The following FRMPD1 variants were observed in gnomAD, a reference collection of about 807,000 sequenced individuals.
FRMPD1 encodes FERM and PDZ domain containing 1, also known as FERM and PDZ domain-containing protein 1.
FRMPD1 carries 76 observed loss-of-function variants against 117.8 expected under a neutral mutation model. The observed-to-expected ratio is 0.65, with a 90% CI of 0.54 to 0.78. The LOEUF (loss-of-function observed/expected upper bound fraction) is 0.78, where lower values mean the gene tolerates loss of function less well. Ranked by LOEUF, FRMPD1 falls within the 30% of genes least tolerant of loss-of-function variation. The pLI, the probability that FRMPD1 is intolerant of heterozygous loss-of-function variation, is 0.00. For synonymous variants in FRMPD1, 783 were observed against 770.4 expected (o/e 1.02, Z -0.27); for missense variants, 1,786 against 1,964.5 (o/e 0.91, Z 1.72).
At chr9:37,687,131 C>T (rs1371800169) in intron 1 of FRMPD1, among the ~76,000 whole-genome samples, 4 of 152,184 alleles carry the variant, frequency 2.6e-5, no homozygotes, top group East Asian at 1.9e-4. Context: ...ATACCTTCAG[C>T]GTCCAAGATC....
At position 37,701,715 on chromosome 9, in the gene FRMPD1, A is replaced by T. The variant is rs143325490; in HGVS notation, c.102-5701A>T. 1.5e-3 allele frequency among the ~76,000 whole-genome samples: 227 copies of T among 152,194 alleles called. 1 individual carries two copies. Among genetic ancestry groups the T allele is most frequent in the African/African-American group, 5.2e-3 (217 of 41,516 alleles). ...GGAGCTGTATTAAGCCATATTCAGG[A>T]TTTTGGATTATGCCATTCAGTCAGG... On this transcript the variant is annotated intron_variant, in intron 2 of 15. Coordinates refer to ENST00000377765, the MANE Select transcript of FRMPD1 (RefSeq NM_014907.3).
intron 1 of FRMPD1, among the ~76,000 whole-genome samples, chr9:37,663,243 G>A (rs189956977): frequency 6.6e-6 from 1 of 152,262 alleles, no homozygotes; most frequent in East Asian, 1.9e-4. Flanking sequence ...GTAAATTGGT[G>A]TGAGTGCCAG....
intron 13 of FRMPD1, among the ~76,000 whole-genome samples, chr9:37,736,697 CTTTTT>C (rs1195134894): frequency 6.6e-6 from 1 of 151,912 alleles, no homozygotes; most frequent in East Asian, 1.9e-4. Context: ...GCTCCTTTTT[CTTTTT>C]TAAGTTCAGT....
Position 37,740,193 on chromosome 9 carries a change from G to T in FRMPD1, c.1665G>T (p.Lys555Asn), listed in dbSNP as rs1319389042. Residue 555 changes from lysine (K) to asparagine (N), a missense_variant, in exon 15 of 16, where the codon AAG (lysine) becomes AAT (asparagine). Physicochemically the swap from Lys to Asn is moderately conservative, Grantham distance 94. Coordinates refer to ENST00000377765, the MANE Select transcript of FRMPD1 (RefSeq NM_014907.3). The surrounding 1 kb of genome is among the most constrained non-coding windows in gnomAD (Gnocchi z 4.2). ...TGGCACCCTGCAGATCACTCATAAA[G>T]GAGGAGCAGCCTCCTGGGAACAGCC... is the stretch of plus-strand genomic sequence containing the variant. ...VKLAPCRSLI[K>N]EEQPPGNSPT... The T allele has an allele frequency of 6.2e-7, 1 of 1,613,902 alleles. No individual in the cohort carries two copies. Among genetic ancestry groups the T allele is most frequent in the Non-Finnish European group, 8.5e-7 (1 of 1,179,942 alleles).
chr9:37,730,224 T>C (rs1823809444), intron 8 of FRMPD1, among the ~76,000 whole-genome samples: 1 of 152,368 alleles, frequency 6.6e-6, no homozygotes, highest in African/African-American at 2.4e-5. Flanking sequence ...CATTTGTTGC[T>C]GTGTCTAAGC....
chr9:37,609,569 T>C, the FRMPD1 span, among the ~76,000 whole-genome samples: 1 of 152,210 alleles, frequency 6.6e-6, no homozygotes, highest in East Asian at 1.9e-4. Flanking sequence ...ACTCCTCCAC[T>C]GTTACTTCCC....
At chr9:37,650,937 T>G (rs1449830312), upstream of FRMPD1, 1 of 150,266 alleles carries the variant, frequency 6.7e-6, no homozygotes, top group Non-Finnish European at 1.5e-5. Context: ...CCCCTCCGGC[T>G]GCAGCCTCGG....
At chr9:37,638,887 C>G in the FRMPD1 span, among the ~76,000 whole-genome samples, 1 of 152,222 alleles carries the variant, frequency 6.6e-6, no homozygotes, top group African/African-American at 2.4e-5. Flanking sequence ...TCTCTCCTCT[C>G]AAAGTGACTT....
chr9:37,686,991 A>C (rs2117984617), intron 1 of FRMPD1, among the ~76,000 whole-genome samples: 1 of 152,284 alleles, frequency 6.6e-6, no homozygotes, highest in African/African-American at 2.4e-5. Flanking sequence ...GATCTAGTGG[A>C]GACCTCAGAT....
At chr9:37,628,936 C>T in the FRMPD1 span, among the ~76,000 whole-genome samples, 25 of 152,180 alleles carry the variant, frequency 1.6e-4, no homozygotes, top group Non-Finnish European at 2.8e-4. Flanking sequence ...CGGTGGCTCA[C>T]GCCTGTAATC....
chr9:37,745,000 T>TTTTTG lies in FRMPD1; in HGVS notation c.2969_2970insTTTGT (p.Leu990PhefsTer19). 1 of 1,614,158 alleles carries TTTTTG rather than the reference T, an allele frequency of 6.2e-7. No homozygotes were observed. The highest frequency in any genetic ancestry group is 8.5e-7 in the Non-Finnish European group (1 of 1,180,036). ...TGCTCAGGCAAGGCCTTCCCAAATC[T>TTTTTG]TACCTCTATCTCAAGACCTGGATGG... On this transcript the variant is annotated frameshift_variant, in exon 16 of 16. Coordinates refer to ENST00000377765, the MANE Select transcript of FRMPD1 (RefSeq NM_014907.3). LOFTEE classifies it low-confidence loss of function (END_TRUNC).
At chr9:37,691,337 G>A (rs1003694335) in intron 1 of FRMPD1, among the ~76,000 whole-genome samples, 1 of 152,024 alleles carries the variant, frequency 6.6e-6, no homozygotes, top group Non-Finnish European at 1.5e-5. Flanking sequence ...TGTACTTACT[G>A]CCCCTAATTC....
intron 14 of FRMPD1, among the ~76,000 whole-genome samples, chr9:37,738,011 T>TGCCA (rs1373234413): frequency 6.6e-6 from 1 of 152,228 alleles, no homozygotes; most frequent in Non-Finnish European, 1.5e-5. Context: ...TCCCAGTTTC[T>TGCCA]GCCAGGCTTT....
At chr9:37,604,323 T>G in the FRMPD1 span, among the ~76,000 whole-genome samples, 4 of 152,228 alleles carry the variant, frequency 2.6e-5, no homozygotes, top group Non-Finnish European at 4.4e-5. Context: ...TTGTAACCAA[T>G]CATTACTAGT....
chr9:37,662,230 A>G (rs973067803), intron 1 of FRMPD1, among the ~76,000 whole-genome samples: 7 of 152,220 alleles, frequency 4.6e-5, no homozygotes, highest in Non-Finnish European at 1.0e-4. Context: ...CAATCGCACA[A>G]TAATAAACCC....
the FRMPD1 span, among the ~76,000 whole-genome samples, chr9:37,617,968 A>G: frequency 6.6e-6 from 1 of 152,184 alleles, no homozygotes; most frequent in Admixed American, 6.5e-5. Flanking sequence ...GAGTCTTCTC[A>G]GCTAGTGATG....
At chr9:37,657,732 G>T (rs1404988093) in intron 1 of FRMPD1, among the ~76,000 whole-genome samples, 1 of 152,092 alleles carries the variant, frequency 6.6e-6, no homozygotes, top group Admixed American at 6.6e-5. Flanking sequence ...CCTTGTTTAT[G>T]TGCTGAAAAC....
chr9:37,705,807 C>A (rs887993132), intron 2 of FRMPD1, among the ~76,000 whole-genome samples: 1 of 151,794 alleles, frequency 6.6e-6, no homozygotes, highest in African/African-American at 2.4e-5. Flanking sequence ...GAAACCCCAT[C>A]CCTACTAAAA....
chr9:37,710,824 G>A (rs1822877750), intron 4 of FRMPD1, among the ~76,000 whole-genome samples: 1 of 151,960 alleles, frequency 6.6e-6, no homozygotes, highest in Admixed American at 6.6e-5. Flanking sequence ...TGGGTGTGGT[G>A]GCGGGTGCCT....
Sources: allele counts gnomAD v4.1 joint callset (sites outside exome capture counted in the v4.1 genomes callset), GRCh38; gene constraint gnomAD v4.1.1; non-coding constraint Gnocchi (gnomAD v3.1); transcripts MANE v1.5; gene names NCBI Gene and HGNC (gene_info 2026-07-23, HGNC 2026-07-21).